The following ALKBH1 variants were observed in gnomAD, a reference collection of about 807,000 sequenced individuals.
ALKBH1 encodes nucleic acid dioxygenase ALKBH1.
ALKBH1 carries 31 observed loss-of-function variants against 36.6 expected under a neutral mutation model. The observed-to-expected ratio is 0.85, with a 90% CI of 0.64 to 1.14. The LOEUF (loss-of-function observed/expected upper bound fraction) is 1.14. Among genes scored for constraint, ALKBH1 ranks in the 50% most tolerant of loss-of-function variants. The pLI, the probability that ALKBH1 is intolerant of heterozygous loss-of-function variation, is 0.00. For synonymous variants in ALKBH1, 183 were observed against 186.6 expected (o/e 0.98, Z 0.16); for missense variants, 490 against 497.3 (o/e 0.99, Z 0.14).
chr14:77,681,087 T>C (rs2080235470), intron 3 of ALKBH1, among the ~76,000 whole-genome samples: 1 of 152,184 alleles, frequency 6.6e-6, no homozygotes, highest in South Asian at 2.1e-4. Flanking sequence ...TTTACATCAT[T>C]GATCAATCAA....
At chr14:77,681,847 G>GTA (rs2080239770) in intron 3 of ALKBH1, among the ~76,000 whole-genome samples, 2 of 152,230 alleles carry the variant, frequency 1.3e-5, no homozygotes, top group South Asian at 4.1e-4. Flanking sequence ...GAGTTTCTTT[G>GTA]GTAAACATTT....
chr14:77,679,228 GT>G (rs2080223407), intron 4 of ALKBH1, among the ~76,000 whole-genome samples: 1 of 151,966 alleles, frequency 6.6e-6, no homozygotes, highest in Non-Finnish European at 1.5e-5. Flanking sequence ...GCTCTTGAAT[GT>G]GGCTTTTGTT....
intron 2 of ALKBH1, among the ~76,000 whole-genome samples, chr14:77,702,715 T>C (rs2080366210): frequency 6.6e-6 from 1 of 152,152 alleles, no homozygotes; most frequent in Admixed American, 6.6e-5. Flanking sequence ...GAATCTATTC[T>C]GCAAAATGAG....
chr14:77,684,489 G>C (rs2080256803), intron 3 of ALKBH1, among the ~76,000 whole-genome samples: 1 of 151,988 alleles, frequency 6.6e-6, no homozygotes, highest in Non-Finnish European at 1.5e-5. Flanking sequence ...AGCCTCCCAA[G>C]GAGCTTGGAT....
chr14:77,689,537 AAAT>A (rs1235200419), intron 3 of ALKBH1, among the ~76,000 whole-genome samples: 2 of 152,186 alleles, frequency 1.3e-5, no homozygotes, highest in Admixed American at 6.5e-5. Context: ...AATTTAATTG[AAAT>A]AATATTTACT....
At chr14:77,692,657 C>G (rs2080303892) in intron 3 of ALKBH1, among the ~76,000 whole-genome samples, 1 of 151,722 alleles carries the variant, frequency 6.6e-6, no homozygotes, top group Admixed American at 6.6e-5. Context: ...CCCAAATCCA[C>G]CTCTCCTCCT....
chr14:77,695,400 C>T (rs1203887305), intron 2 of ALKBH1, among the ~76,000 whole-genome samples: 1 of 152,134 alleles, frequency 6.6e-6, no homozygotes, highest in Non-Finnish European at 1.5e-5. Context: ...GGGCTGAGAC[C>T]CTGCCAGCTA....
intron 3 of ALKBH1, among the ~76,000 whole-genome samples, chr14:77,689,675 T>C (rs2080287068): frequency 1.3e-5 from 2 of 150,992 alleles, no homozygotes; most frequent in African/African-American, 4.9e-5. Flanking sequence ...AAAAATGCTA[T>C]ACTAGCATTA....
chr14:77,680,677 C>CTCTTTTTTTTTTTTTTTTTTT lies in ALKBH1; in HGVS notation c.456-708_456-707insAAAAAAAAAAAAAAAAAAAGA, dbSNP rs774703181. On this transcript the variant is annotated intron_variant, in intron 3 of 5. Transcript: ENST00000216489. ...GATCAAATCTATGTGATTAACTACT[C>CTCTTTTTTTTTTTTTTTTTTT]TTTTTTTTTTTTTTTTTTTGAGACA... Among the ~76,000 whole-genome samples, 114 of 124,320 alleles carry CTCTTTTTTTTTTTTTTTTTTT rather than the reference C, an allele frequency of 9.2e-4. 5 individuals carry two copies. The highest frequency in any genetic ancestry group is 3.5e-3 in the African/African-American group (110 of 31,338). 81.6% of individuals were successfully genotyped at this position (124,320 alleles called of 152,430 possible).
In ALKBH1 at chr14:77,690,090, C is replaced by T. The variant is rs2080289252; in HGVS notation, c.455+4648G>A. On this transcript the variant is annotated intron_variant, in intron 3 of 5. Coordinates refer to ENST00000216489, the MANE Select transcript of ALKBH1 (RefSeq NM_006020.3). ...CTGAATGATAAGTGAAGACTTTCTT[C>T]TAAGATGATATTAGAACAAAGACTT... 2.0e-5 allele frequency among the ~76,000 whole-genome samples: 3 copies of T among 151,854 alleles called. No homozygotes were observed. The South Asian group carries it at 6.2e-4, about 31-fold the overall frequency.
chr14:77,705,191 G>A (rs2080381394), intron 1 of ALKBH1, among the ~76,000 whole-genome samples: 1 of 152,090 alleles, frequency 6.6e-6, no homozygotes, highest in Non-Finnish European at 1.5e-5. Flanking sequence ...GAGGCAGGCG[G>A]ATCACGAGGT....
intron 4 of ALKBH1, among the ~76,000 whole-genome samples, chr14:77,678,545 C>CA (rs35334986): frequency 0.027 from 3,154 of 118,236 alleles, 132 homozygotes; most frequent in East Asian, 0.22. Flanking sequence ...AAGACCATTA[C>CA]AAAAAAAAAA....
At chr14:77,684,721 A>T (rs1459232593) in intron 3 of ALKBH1, among the ~76,000 whole-genome samples, 1 of 151,890 alleles carries the variant, frequency 6.6e-6, no homozygotes, top group Non-Finnish European at 1.5e-5. Context: ...CTAATTTTTA[A>T]TTTTTTTGTA....
chr14:77,678,609 AT>A (rs1246991232), intron 4 of ALKBH1, among the ~76,000 whole-genome samples: 1 of 150,940 alleles, frequency 6.6e-6, no homozygotes, highest in African/African-American at 2.4e-5. Flanking sequence ...CTATACCAAT[AT>A]TTTTTTTTCA....
rs1406812139 is a variant in ALKBH1, at chr14:77,673,871, A to C, written c.1111T>G (p.Cys371Gly). ...EKRDISTEGF[C>G]HLDDQNSEVK... ...TCGCTATTCTGGTCATCCAGATGGC[A>C]GAAACCTTCTGTACTGATGTCTCTT... Residue 371 changes from cysteine to glycine, a missense_variant, in exon 6 of 6, where the codon TGC becomes GGC. Coordinates refer to ENST00000216489, the MANE Select transcript of ALKBH1 (RefSeq NM_006020.3). The C allele has an allele frequency of 6.2e-7, 1 of 1,614,242 alleles. No homozygotes were observed. The highest frequency in any genetic ancestry group is 8.5e-7 in the Non-Finnish European group (1 of 1,180,036).
At position 77,673,173 on chromosome 14, in the gene ALKBH1, A is replaced by G. The variant is rs1036397945; in HGVS notation, c.*639T>C. On this transcript the variant is annotated 3_prime_UTR_variant, in exon 6 of 6. Transcript: ENST00000216489. ...GAGTTTGGAGACCGAAATGACATGT[A>G]GAGAAACTAAATTCCCCTTTCCTTG... 1 of 152,280 alleles carries G rather than the reference A, an allele frequency of 6.6e-6. No individual in the cohort carries two copies. Among genetic ancestry groups the G allele is most frequent in the Non-Finnish European group, 1.5e-5 (1 of 68,080 alleles). The allele number at this position is 152,280 out of a possible 1,614,324, so 9.4% of individuals were successfully genotyped here. A position where few individuals can be genotyped will look rare whatever the true frequency, so the allele number is the denominator to read the frequency against.
At chr14:77,678,265 CA>C (rs2080217043) in intron 4 of ALKBH1, among the ~76,000 whole-genome samples, 1 of 152,084 alleles carries the variant, frequency 6.6e-6, no homozygotes, top group Non-Finnish European at 1.5e-5. Flanking sequence ...CTGTCTAATC[CA>C]AAGAAAATCA....
intron 4 of ALKBH1, among the ~76,000 whole-genome samples, chr14:77,677,973 TTC>T (rs2080214863): frequency 6.6e-6 from 1 of 151,862 alleles, no homozygotes; most frequent in African/African-American, 2.4e-5. Flanking sequence ...TCTTTCACTT[TTC>T]TCTGACTACT....
chr14:77,702,920 C>T (rs1020691917), intron 2 of ALKBH1, among the ~76,000 whole-genome samples: 18 of 152,014 alleles, frequency 1.2e-4, no homozygotes, highest in African/African-American at 3.9e-4. Context: ...TCTGGGAGAC[C>T]GAGGCGGGTG....
Sources: allele counts gnomAD v4.1 joint callset (sites outside exome capture counted in the v4.1 genomes callset), GRCh38; gene constraint gnomAD v4.1.1; transcripts MANE v1.5; gene names NCBI Gene and HGNC (gene_info 2026-07-23, HGNC 2026-07-21).